Variants in TUT4 observed in about 807,000 individuals in gnomAD.
The protein encoded by TUT4 is terminal uridylyl transferase 4.
Under a neutral mutation model 192.2 loss-of-function variants are expected in TUT4, and 36 were observed. That is an observed-to-expected ratio of 0.19 (90% CI 0.14 to 0.25). TUT4 has a LOEUF of 0.25. Among genes scored for constraint, TUT4 ranks in the 10% least tolerant of loss-of-function variants. The pLI, the probability that TUT4 is intolerant of heterozygous loss-of-function variation, is 1.00. For synonymous variants in TUT4, 618 were observed against 666.0 expected, an observed-to-expected ratio of 0.93 and a Z score of 1.11; for missense variants, 1,493 against 1,957.2, an observed-to-expected ratio of 0.76 and a Z score of 4.47.
chr1:52,435,525 T>A, intron 26 of TUT4, 60 bp from the exon 27 acceptor site: 1 of 1,252,948 alleles, frequency 8.0e-7, no homozygotes, highest in Non-Finnish European at 1.2e-6. Flanking sequence ...GAAATGACAA[T>A]AAATAAACTC....
chr1:52,478,830 A>C (rs935138737), intron 11 of TUT4, among the ~76,000 whole-genome samples: 12 of 152,282 alleles, frequency 7.9e-5, no homozygotes, highest in Admixed American at 2.0e-4. Flanking sequence ...ACAACTATTC[A>C]TTGAGTGCCT....
intron 1 of TUT4, among the ~76,000 whole-genome samples, chr1:52,532,828 C>T (rs1683856983): frequency 6.6e-6 from 1 of 152,178 alleles, no homozygotes; most frequent in Admixed American, 6.5e-5. Context: ...TTAACTTTCT[C>T]CTTTTTCCTG....
At chr1:52,489,137 T>C (rs749269465) in intron 8 of TUT4, 102 bp from the exon 9 acceptor site, 24 of 1,232,410 alleles carry the variant, frequency 1.9e-5, no homozygotes, top group Middle Eastern at 2.0e-4. Context: ...TATTGTAACA[T>C]AGTACCGTAA....
At chr1:52,506,278 T>C (rs186903495) in intron 4 of TUT4, among the ~76,000 whole-genome samples, 8 of 152,296 alleles carry the variant, frequency 5.3e-5, no homozygotes, top group Middle Eastern at 3.4e-3. Context: ...GGCCTAAAGT[T>C]TTCTTTCTTT....
In TUT4 at chr1:52,436,915, C is replaced by G; in HGVS notation, c.4002G>C (p.Glu1334Asp). ...GGTCAAGAACATCTCGGGAATCTTT[C>G]TCTTCTTCATTCCCTTCCTTCTCTT... ...SEEEKEGNEE[E>D]KDSRDVLDPR... The change falls in exon 26 of 30, where the codon GAG becomes GAC. Residue 1334 changes from glutamate (E) to aspartate (D), a missense_variant. Transcript: ENST00000257177. The G allele has an allele frequency of 6.2e-7, 1 of 1,613,836 alleles. No homozygotes were observed. The highest frequency in any genetic ancestry group is 8.5e-7 in the Non-Finnish European group (1 of 1,179,940).
chr1:52,553,304 CG>C (rs938886960), upstream of TUT4: 2 of 123,976 alleles, frequency 1.6e-5, no homozygotes, highest in Non-Finnish European at 3.2e-5. Flanking sequence ...TCCCTTCGTT[CG>C]GGGGGCCCCA....
Position 52,523,568 on chromosome 1 carries a change from G to A in TUT4, c.718+1995C>T, listed in dbSNP as rs144115108. On this transcript the variant is annotated intron_variant, in intron 2 of 29. Coordinates refer to ENST00000257177, the MANE Select transcript of TUT4 (RefSeq NM_001009881.3). ...AAGTTCACACCACTGCACTCCAGCC[G>A]GGGTGACAGAGCAAAACCCTGTCTC... 5.9e-4 allele frequency among the ~76,000 whole-genome samples: 89 copies of A among 151,828 alleles called. 1 individual carries two copies. The highest frequency in any genetic ancestry group is 6.8e-3 in the Middle Eastern group (2 of 294).
chr1:52,448,472 C>T (rs1014768096), intron 20 of TUT4, among the ~76,000 whole-genome samples: 2 of 151,498 alleles, frequency 1.3e-5, no homozygotes, highest in Admixed American at 6.6e-5. Context: ...GCTGGTAGTC[C>T]CAGCTACTTG....
intron 14 of TUT4, among the ~76,000 whole-genome samples, chr1:52,471,344 G>A (rs908034249): frequency 2.0e-5 from 3 of 152,098 alleles, no homozygotes; most frequent in African/African-American, 4.8e-5. Flanking sequence ...AATCTTTGAC[G>A]TTTAAAAATG....
intron 11 of TUT4, among the ~76,000 whole-genome samples, chr1:52,479,802 G>A (rs544753116): frequency 2.0e-5 from 3 of 151,946 alleles, no homozygotes; most frequent in Admixed American, 6.6e-5. Context: ...AGACCATCCT[G>A]GCTAACACGG....
chr1:52,479,959 C>A (rs991011323), intron 11 of TUT4, among the ~76,000 whole-genome samples: 2 of 145,314 alleles, frequency 1.4e-5, no homozygotes, highest in African/African-American at 5.2e-5. Context: ...CGTGCCACTG[C>A]ACTCCAGCCT....
At position 52,516,215 on chromosome 1, in the gene TUT4, A is replaced by G. The variant is rs185140503; in HGVS notation, c.719-161T>C. Among the ~76,000 whole-genome samples the G allele has an allele frequency of 6.4e-3, 968 of 152,274 alleles. 8 individuals carry two copies. The highest frequency in any genetic ancestry group is 0.021 in the African/African-American group (893 of 41,562). ...GGTATGCATATATAAAATATAGGTAAGAGGTAGACATGGTATCCAAAGTCA... is the reference window on the plus strand; with the variant it reads ...GGTATGCATATATAAAATATAGGTAGGAGGTAGACATGGTATCCAAAGTCA... On this transcript the variant is annotated intron_variant, in intron 2 of 29. Coordinates refer to ENST00000257177, the MANE Select transcript of TUT4 (RefSeq NM_001009881.3).
chr1:52,498,558 C>G (rs976360515), intron 4 of TUT4, among the ~76,000 whole-genome samples: 2 of 151,480 alleles, frequency 1.3e-5, no homozygotes, highest in Non-Finnish European at 2.9e-5. Flanking sequence ...CACTTAGGAT[C>G]CATCCAAAGA....
intron 1 of TUT4, among the ~76,000 whole-genome samples, chr1:52,550,608 C>A (rs187435728): frequency 7.3e-5 from 11 of 150,194 alleles, no homozygotes; most frequent in African/African-American, 2.7e-4. Flanking sequence ...CTCAGGCAAA[C>A]CTCCTACCTC....
chr1:52,528,286 T>A (rs1055346345), intron 1 of TUT4, among the ~76,000 whole-genome samples: 1 of 150,632 alleles, frequency 6.6e-6, no homozygotes, highest in African/African-American at 2.4e-5. Flanking sequence ...AGTCCAGGAG[T>A]TCAAGACCAG....
intron 26 of TUT4, among the ~76,000 whole-genome samples, chr1:52,436,401 G>A (rs1267757393): frequency 1.3e-5 from 2 of 150,850 alleles, no homozygotes; most frequent in Admixed American, 1.3e-4. Context: ...CAGGAGAATC[G>A]CTTGAACCCG....
intron 13 of TUT4, among the ~76,000 whole-genome samples, chr1:52,474,209 A>G (rs1293432639): frequency 6.6e-6 from 1 of 152,200 alleles, no homozygotes; most frequent in Non-Finnish European, 1.5e-5. Context: ...CCTTGTCTCA[A>G]AATAATAGTA....
rs41294516 is a variant in TUT4, at chr1:52,475,099, C to T, written c.2460G>A (p.Ala820=). 5.3e-3 allele frequency: 8,555 copies of T among 1,614,088 alleles called. 101 individuals are homozygous for T. The highest frequency in any genetic ancestry group is 0.033 in the East Asian group (1,467 of 44,880). The change falls in exon 13 of 30, where the codon GCG becomes GCA. Residue 820 remains alanine (A), a synonymous_variant. Coordinates refer to ENST00000257177, the MANE Select transcript of TUT4 (RefSeq NM_001009881.3). ...CTTTTTTTAAACAAGTTTCTGAAGGCGCTAAATCATCTTGTTTCTTATCTA... is the reference window on the plus strand; with the variant it reads ...CTTTTTTTAAACAAGTTTCTGAAGGTGCTAAATCATCTTGTTTCTTATCTA... The part of the protein sequence containing the change: ...PKLDKKQDDL[A]PSETCLKKEL...
At chr1:52,551,541 C>T (rs1432560787) in intron 1 of TUT4, among the ~76,000 whole-genome samples, 3 of 152,230 alleles carry the variant, frequency 2.0e-5, no homozygotes, top group Non-Finnish European at 4.4e-5. Flanking sequence ...ACATAGCACA[C>T]TAGACACTAA....
Sources: gnomAD v4.1 joint callset for allele counts (sites outside exome capture counted in the v4.1 genomes callset) on GRCh38, gnomAD v4.1.1 for gene constraint, MANE v1.5 for transcripts, NCBI Gene and HGNC (gene_info 2026-07-23, HGNC 2026-07-21) for gene names.